Variants in PRKCB observed in about 807,000 individuals in gnomAD.
PRKCB encodes the protein protein kinase C beta type.
A neutral mutation model predicts 81.5 loss-of-function variants in PRKCB; 13 were observed. The ratio of observed to expected loss-of-function variants is 0.16; its 90% CI spans 0.10 to 0.25. The LOEUF (loss-of-function observed/expected upper bound fraction) is 0.25, where lower values mean the gene tolerates loss of function less well. Ranked by LOEUF, PRKCB falls within the 10% of genes least tolerant of loss-of-function variation. The pLI, the probability that PRKCB is intolerant of heterozygous loss-of-function variation, is 1.00. For synonymous variants in PRKCB, 335 were observed against 321.4 expected (o/e 1.04, Z -0.45); for missense variants, 509 against 875.7 (o/e 0.58, Z 5.29).
At chr16:23,973,736 A>C (rs1295355408) in intron 2 of PRKCB, among the ~76,000 whole-genome samples, 1 of 152,136 alleles carries the variant, frequency 6.6e-6, no homozygotes, top group Non-Finnish European at 1.5e-5. Flanking sequence ...GCTGGAGTGC[A>C]TTGGCATGAT....
At chr16:23,959,429 T>C (rs577598912) in intron 2 of PRKCB, among the ~76,000 whole-genome samples, 1 of 152,314 alleles carries the variant, frequency 6.6e-6, no homozygotes, top group East Asian at 1.9e-4. Flanking sequence ...TAATGTGTCA[T>C]TGGGGTAGGA....
chr16:24,034,745 C>T (rs913494836), intron 4 of PRKCB, among the ~76,000 whole-genome samples: 13 of 152,140 alleles, frequency 8.5e-5, no homozygotes, highest in African/African-American at 1.4e-4. Flanking sequence ...ATGCCTCTTC[C>T]AGGGAGACCA....
intron 2 of PRKCB, among the ~76,000 whole-genome samples, chr16:23,971,520 T>C (rs1964556474): frequency 1.3e-5 from 2 of 152,188 alleles, no homozygotes; most frequent in Admixed American, 1.3e-4. Context: ...GGTTGACTTT[T>C]GTCTGAGTTA....
intron 2 of PRKCB, among the ~76,000 whole-genome samples, chr16:23,872,312 G>A (rs1019243804): frequency 6.6e-6 from 1 of 152,198 alleles, no homozygotes; most frequent in Non-Finnish European, 1.5e-5. Flanking sequence ...ATAGTTAATA[G>A]TTAAATGTCA....
chr16:24,132,768 G>A (rs1966855199), intron 9 of PRKCB, among the ~76,000 whole-genome samples: 1 of 130,898 alleles, frequency 7.6e-6, no homozygotes, highest in Non-Finnish European at 1.6e-5. Context: ...GTATGATTTG[G>A]GGCTTTTTTT....
rs549172448 is a variant in PRKCB, at chr16:23,929,351, G to A, written c.206-59157G>A. ...GACCTCCACAGGATACTGGCTAAAC[G>A]CATGAACTCTTGAACCAGATGGACC... is the stretch of plus-strand genomic sequence containing the variant. On this transcript the variant is annotated intron_variant, in intron 2 of 16. Transcript: ENST00000643927. 1.9e-4 allele frequency among the ~76,000 whole-genome samples: 29 copies of A among 152,176 alleles called. 2 individuals carry two copies. The South Asian group carries it at 6.0e-3, about 32-fold the overall frequency.
At chr16:24,149,299 G>A (rs1452319758) in intron 9 of PRKCB, among the ~76,000 whole-genome samples, 2 of 152,198 alleles carry the variant, frequency 1.3e-5, no homozygotes, top group African/African-American at 4.8e-5. Context: ...TTGTAGACAT[G>A]TTTTAAAACC....
chr16:23,890,355 C>T (rs1261651980), intron 2 of PRKCB, among the ~76,000 whole-genome samples: 1 of 152,206 alleles, frequency 6.6e-6, no homozygotes, highest in Non-Finnish European at 1.5e-5. Flanking sequence ...AGTCTTGCTC[C>T]TCTTCCTCTG....
At chr16:23,864,741 T>A (rs904060706) in intron 2 of PRKCB, among the ~76,000 whole-genome samples, 18 of 149,912 alleles carry the variant, frequency 1.2e-4, no homozygotes, top group Middle Eastern at 3.4e-3. Flanking sequence ...TTGTTTTTTT[T>A]AAATTATTTT....
chr16:24,009,598 T>G (rs1488459324), intron 3 of PRKCB, among the ~76,000 whole-genome samples: 1 of 151,548 alleles, frequency 6.6e-6, no homozygotes, highest in Non-Finnish European at 1.5e-5. Flanking sequence ...CCTATTTTTT[T>G]TTTTAAAAAA....
At chr16:24,176,161 A>T (rs997656186) in intron 12 of PRKCB, among the ~76,000 whole-genome samples, 21 of 152,056 alleles carry the variant, frequency 1.4e-4, no homozygotes, top group African/African-American at 5.1e-4. Context: ...AGGGGGAAGG[A>T]TGATCTTATT....
At chr16:24,014,553 T>C (rs962476334) in intron 3 of PRKCB, among the ~76,000 whole-genome samples, 1 of 152,150 alleles carries the variant, frequency 6.6e-6, no homozygotes, top group Non-Finnish European at 1.5e-5. Context: ...AGATCACAGA[T>C]GTCATTTTTA....
chr16:23,913,538 G>T (rs1431291430), intron 2 of PRKCB, among the ~76,000 whole-genome samples: 4 of 152,168 alleles, frequency 2.6e-5, no homozygotes, highest in African/African-American at 9.7e-5. Context: ...GTAGAAGTGG[G>T]AAAGCCAAGC....
chr16:23,945,414 G>A (rs895631921), intron 2 of PRKCB, among the ~76,000 whole-genome samples: 10 of 152,194 alleles, frequency 6.6e-5, no homozygotes, highest in Non-Finnish European at 8.8e-5. Context: ...TGTCACAGCC[G>A]TGAAAATACT....
At chr16:24,094,801 AAGGG>A (rs1198765154) in intron 7 of PRKCB, among the ~76,000 whole-genome samples, 90 of 128,792 alleles carry the variant, frequency 7.0e-4, no homozygotes, top group African/African-American at 2.6e-3. Flanking sequence ...GGAATGAAGG[AAGGG>A]AGGGAGGAAG....
chr16:24,132,557 A>C (rs887042725), intron 9 of PRKCB, among the ~76,000 whole-genome samples: 1 of 152,132 alleles, frequency 6.6e-6, no homozygotes, highest in Non-Finnish European at 1.5e-5. Flanking sequence ...ATAACACCTA[A>C]CATTTTTTGG....
chr16:23,954,869 C>T (rs1421434872), intron 2 of PRKCB, among the ~76,000 whole-genome samples: 4 of 152,050 alleles, frequency 2.6e-5, no homozygotes, highest in African/African-American at 4.8e-5. Context: ...CTGGACAACA[C>T]GATGAAACCC....
chr16:23,956,943 C>G (rs1467577854), intron 2 of PRKCB, among the ~76,000 whole-genome samples: 2 of 29,572 alleles, frequency 6.8e-5, no homozygotes, highest in African/African-American at 2.8e-4. Context: ...CTAACTCATA[C>G]AAAAATAAAT....
At chr16:23,942,470 GGAGTTT>G (rs1448502852) in intron 2 of PRKCB, among the ~76,000 whole-genome samples, 1 of 152,198 alleles carries the variant, frequency 6.6e-6, no homozygotes, top group Non-Finnish European at 1.5e-5. Flanking sequence ...TTGGAGCATT[GGAGTTT>G]GAGAAATGGC....
Sources: allele counts gnomAD v4.1 joint callset (sites outside exome capture counted in the v4.1 genomes callset), GRCh38; gene constraint gnomAD v4.1.1; transcripts MANE v1.5; gene names NCBI Gene and HGNC (gene_info 2026-07-23, HGNC 2026-07-21).